The following BZW2 variants were observed in gnomAD, a reference collection of about 807,000 sequenced individuals.
BZW2 encodes basic leucine zipper and W2 domains 2.
A neutral mutation model predicts 53.2 loss-of-function variants in BZW2; 23 were observed. The observed-to-expected ratio is 0.43, with a 90% CI of 0.31 to 0.61. The LOEUF (loss-of-function observed/expected upper bound fraction) is 0.61, where lower values mean the gene tolerates loss of function less well. BZW2 is among the 20% of genes least tolerant of loss of function. The pLI is 0.09. For synonymous variants in BZW2, 227 were observed against 186.4 expected, an observed-to-expected ratio of 1.22 and a Z score of -1.77; for missense variants, 409 against 503.1, an observed-to-expected ratio of 0.81 and a Z score of 1.79.
intron 2 of BZW2, among the ~76,000 whole-genome samples, chr7:16,666,943 TAGTC>T (rs1272696253): frequency 6.6e-6 from 1 of 152,188 alleles, no homozygotes; most frequent in Non-Finnish European, 1.5e-5. Context: ...ATTTTATATT[TAGTC>T]AGTTTTGCAT....
chr7:16,677,446 G>C (rs765384367), intron 3 of BZW2, among the ~76,000 whole-genome samples: 1 of 152,120 alleles, frequency 6.6e-6, no homozygotes, highest in African/African-American at 2.4e-5. Flanking sequence ...GTTGGCCAAC[G>C]ACCGCTCTAA....
intron 1 of BZW2, among the ~76,000 whole-genome samples, chr7:16,655,924 T>C (rs907246653): frequency 3.3e-5 from 5 of 152,172 alleles, no homozygotes; most frequent in African/African-American, 1.2e-4. Flanking sequence ...ATACACTTTC[T>C]GCCTTTATCT....
At chr7:16,705,457 G>T (rs548992726) in intron 11 of BZW2, among the ~76,000 whole-genome samples, 1 of 152,196 alleles carries the variant, frequency 6.6e-6, no homozygotes, top group Non-Finnish European at 1.5e-5. Flanking sequence ...AGGCCAAGGC[G>T]GGCAGATCAT....
At chr7:16,662,866 T>C (rs1782308179) in intron 1 of BZW2, among the ~76,000 whole-genome samples, 1 of 152,192 alleles carries the variant, frequency 6.6e-6, no homozygotes, top group Non-Finnish European at 1.5e-5. Flanking sequence ...GAGAGATTTC[T>C]GTCCAGTTGA....
At chr7:16,695,113 A>G (rs1167833215) in intron 8 of BZW2, 109 bp downstream of exon 8, 5 of 1,061,726 alleles carry the variant, frequency 4.7e-6, no homozygotes, top group Non-Finnish European at 6.3e-6. Flanking sequence ...TTATTGCTGT[A>G]AACTTTGTCC....
At chr7:16,662,411 A>G (rs568853110) in intron 1 of BZW2, among the ~76,000 whole-genome samples, 1 of 152,284 alleles carries the variant, frequency 6.6e-6, no homozygotes, top group South Asian at 2.1e-4. Context: ...ACAAACTTTT[A>G]TGCTTAGAAA....
chr7:16,653,425 A>C lies in BZW2; in HGVS notation c.-8+7137A>C, dbSNP rs1218999543. 2.0e-5 allele frequency among the ~76,000 whole-genome samples: 3 copies of C among 152,130 alleles called. No homozygotes were observed. In the East Asian group the frequency reaches 5.8e-4, roughly 29 times the overall value. ...AGTAATAGTCACCAACACTCCCATC[A>C]GTTTTGTGTCTGTCTTAAACTAACT... On this transcript the variant is annotated intron_variant, in intron 1 of 11. Coordinates refer to ENST00000258761, the MANE Select transcript of BZW2 (RefSeq NM_014038.3).
In BZW2 at chr7:16,674,528, T is replaced by A. The variant is rs1467555813; in HGVS notation, c.175T>A (p.Leu59Ile). 6.2e-7 allele frequency: 1 copy of A among 1,612,558 alleles called. No homozygotes were observed. The highest frequency in any genetic ancestry group is 1.3e-5 in the African/African-American group (1 of 75,030). Residue 59 changes from leucine (L) to isoleucine (I), a missense_variant, in exon 3 of 12, where the codon TTA becomes ATA. This residue lies in a region of BZW2 where 316 missense variants were observed against 366.8 expected (regional missense o/e 0.86). Transcript: ENST00000258761. ...ATTTCTGGACTCTACAGGCTCAAGATTAGATTATCGTCGCTATGCAGACAC... is the reference window on the plus strand; with the variant it reads ...ATTTCTGGACTCTACAGGCTCAAGAATAGATTATCGTCGCTATGCAGACAC... Reference protein sequence around the residue: ...AKFLDSTGSRLDYRRYADTLF... With the variant: ...AKFLDSTGSRIDYRRYADTLF...
intron 2 of BZW2, among the ~76,000 whole-genome samples, chr7:16,673,268 A>G (rs1189224973): frequency 6.6e-6 from 1 of 152,130 alleles, no homozygotes; most frequent in East Asian, 1.9e-4. Context: ...CTTTCTAAGG[A>G]AAAAAAGCTA....
chr7:16,690,519 T>C (rs1783268668), intron 7 of BZW2, among the ~76,000 whole-genome samples: 1 of 152,162 alleles, frequency 6.6e-6, no homozygotes, highest in Non-Finnish European at 1.5e-5. Flanking sequence ...ATCATAACTT[T>C]CTAGACATTT....
At chr7:16,693,427 T>G (rs904758703) in intron 7 of BZW2, among the ~76,000 whole-genome samples, 1 of 152,216 alleles carries the variant, frequency 6.6e-6, no homozygotes, top group Admixed American at 6.5e-5. Flanking sequence ...TGAACATAAC[T>G]TTAAATCAAA....
chr7:16,658,413 C>G (rs1196820761), intron 1 of BZW2, among the ~76,000 whole-genome samples: 1 of 151,928 alleles, frequency 6.6e-6, no homozygotes, highest in Non-Finnish European at 1.5e-5. Context: ...AACAAGCATT[C>G]AAGCATTTAC....
intron 4 of BZW2, 49 bp downstream of exon 4, chr7:16,681,453 C>A: frequency 6.8e-7 from 1 of 1,478,260 alleles, no homozygotes; most frequent in Non-Finnish European, 9.4e-7. Context: ...CTGAGGAAAA[C>A]TCTATAGAAG....
At chr7:16,691,393 A>T (rs1222500309) in intron 7 of BZW2, among the ~76,000 whole-genome samples, 2 of 152,228 alleles carry the variant, frequency 1.3e-5, no homozygotes, top group East Asian at 3.9e-4. Flanking sequence ...TGAAGGGAAC[A>T]TATTTCTTGT....
chr7:16,676,550 A>G (rs1029038986), intron 3 of BZW2, among the ~76,000 whole-genome samples: 2 of 150,862 alleles, frequency 1.3e-5, no homozygotes, highest in Admixed American at 1.3e-4. Flanking sequence ...TATTTTATCA[A>G]AAATTATGAG....
At chr7:16,655,961 A>C (rs916366940) in intron 1 of BZW2, among the ~76,000 whole-genome samples, 2 of 152,050 alleles carry the variant, frequency 1.3e-5, no homozygotes, top group Admixed American at 6.6e-5. Context: ...TTATTCTGTA[A>C]AAATAAGATA....
chr7:16,682,678 C>G, intron 4 of BZW2, 102 bp from the exon 5 acceptor site: 1 of 596,794 alleles, frequency 1.7e-6, no homozygotes, highest in South Asian at 3.0e-5. Flanking sequence ...TAACTATACA[C>G]TTTTATTATT....
chr7:16,704,236 A>G (rs568734310), intron 10 of BZW2, among the ~76,000 whole-genome samples: 1 of 152,252 alleles, frequency 6.6e-6, no homozygotes, highest in Non-Finnish European at 1.5e-5. Flanking sequence ...TTGCAAAATT[A>G]CAAAACAATT....
chr7:16,705,556 G>A (rs1199492173), intron 11 of BZW2, among the ~76,000 whole-genome samples: 1 of 150,338 alleles, frequency 6.7e-6, no homozygotes, highest in African/African-American at 2.4e-5. Flanking sequence ...ATGGTGGTGG[G>A]CACCTGTAGT....
Sources: gnomAD v4.1 joint callset for allele counts (sites outside exome capture counted in the v4.1 genomes callset) on GRCh38, gnomAD v4.1.1 for gene constraint, gnomAD v4.1.1 regional missense constraint, MANE v1.5 for transcripts, NCBI Gene and HGNC (gene_info 2026-07-23, HGNC 2026-07-21) for gene names.